Variants in PRKACB observed in about 807,000 individuals in gnomAD.
The protein encoded by PRKACB is protein kinase cAMP-activated catalytic subunit beta, also known as cAMP-dependent protein kinase catalytic subunit beta.
Under a neutral mutation model 51.4 loss-of-function variants are expected in PRKACB, and 16 were observed. The ratio of observed to expected loss-of-function variants is 0.31; its 90% CI spans 0.21 to 0.47. The LOEUF (loss-of-function observed/expected upper bound fraction) is 0.47. Among genes scored for constraint, PRKACB ranks in the 20% least tolerant of loss-of-function variants. The pLI, the probability that PRKACB is intolerant of heterozygous loss-of-function variation, is 1.00. For missense variants in PRKACB, 309 were observed against 464.5 expected (o/e 0.67, Z 3.08); for synonymous variants, 147 against 154.4 (o/e 0.95, Z 0.35).
At chr1:84,176,188 A>T (rs537926051) in intron 1 of PRKACB, among the ~76,000 whole-genome samples, 1 of 151,852 alleles carries the variant, frequency 6.6e-6, no homozygotes, top group African/African-American at 2.4e-5. Flanking sequence ...TAAGTAAACT[A>T]AATAATTGAG....
chr1:84,127,148 T>C (rs562080558), intron 1 of PRKACB, among the ~76,000 whole-genome samples: 3 of 152,326 alleles, frequency 2.0e-5, no homozygotes, highest in East Asian at 3.9e-4. Context: ...CAGCTGTGTA[T>C]GTTACCTGAA....
Position 84,235,368 on chromosome 1 carries a change from G to A in PRKACB, c.*63G>A. 1 of 1,598,116 alleles carries A rather than the reference G, an allele frequency of 6.3e-7. No homozygotes were observed. The highest frequency in any genetic ancestry group is 8.5e-7 in the Non-Finnish European group (1 of 1,171,894). On this transcript the variant is annotated 3_prime_UTR_variant, in exon 10 of 10. Transcript: ENST00000370685. The stretch of plus-strand genomic sequence containing the variant: ...TTGCACTCTGTTGAGAGATAAGGTA[G>A]AGCTGAGACCGTCCTTGTTGAAGCA...
chr1:84,125,873 C>T (rs1191119249), intron 1 of PRKACB, among the ~76,000 whole-genome samples: 2 of 152,046 alleles, frequency 1.3e-5, no homozygotes, highest in Non-Finnish European at 2.9e-5. Context: ...ATTACAACAC[C>T]CCTCCAGCCC....
chr1:84,191,076 T>C (rs1190111519), intron 5 of PRKACB, among the ~76,000 whole-genome samples: 1 of 152,122 alleles, frequency 6.6e-6, no homozygotes, highest in African/African-American at 2.4e-5. Context: ...ACCAGCTGAT[T>C]GCTTTGCAGA....
chr1:84,199,132 T>TATAC (rs1553181672), intron 7 of PRKACB, among the ~76,000 whole-genome samples: 11 of 147,316 alleles, frequency 7.5e-5, no homozygotes, highest in East Asian at 4.0e-4. Flanking sequence ...TATATATATA[T>TATAC]ACACACACAT....
intron 4 of PRKACB, 114 bp downstream of exon 4, chr1:84,184,249 C>T (rs192590135): frequency 2.7e-5 from 23 of 850,804 alleles, no homozygotes; most frequent in East Asian, 5.8e-5. Flanking sequence ...ATAAACAAAA[C>T]GAATACCTCT....
At chr1:84,192,315 T>A (rs918760204) in intron 5 of PRKACB, among the ~76,000 whole-genome samples, 22 of 152,104 alleles carry the variant, frequency 1.4e-4, no homozygotes, top group African/African-American at 4.8e-4. Context: ...GAGACCCAAA[T>A]GATAGGAGTT....
intron 5 of PRKACB, among the ~76,000 whole-genome samples, chr1:84,190,962 T>C (rs573239378): frequency 2.2e-4 from 34 of 152,216 alleles, no homozygotes; most frequent in African/African-American, 7.7e-4. Flanking sequence ...TAGCAGACAG[T>C]TGGGACTTTT....
chr1:84,126,118 G>C (rs1651578004), intron 1 of PRKACB, among the ~76,000 whole-genome samples: 1 of 152,052 alleles, frequency 6.6e-6, no homozygotes, highest in South Asian at 2.1e-4. Context: ...GACCTCCGGA[G>C]TCCTAGAGGG....
At position 84,191,922 on chromosome 1, in the gene PRKACB, C is replaced by T. The variant is rs146330111; in HGVS notation, c.561-4694C>T. 3.3e-3 allele frequency among the ~76,000 whole-genome samples: 498 copies of T among 151,898 alleles called. 3 individuals carry two copies. Among genetic ancestry groups the T allele is most frequent in the African/African-American group, 0.012 (477 of 41,458 alleles). ...GAACTAAAATATTTTATATAAGCAC[C>T]CATTTATCCAAATAGAATTCTTTAA... On this transcript the variant is annotated intron_variant, in intron 5 of 9. Coordinates refer to ENST00000370685, the MANE Select transcript of PRKACB (RefSeq NM_182948.4).
At chr1:84,148,040 A>G (rs1261314236) in intron 1 of PRKACB, among the ~76,000 whole-genome samples, 2 of 152,190 alleles carry the variant, frequency 1.3e-5, no homozygotes, top group African/African-American at 4.8e-5. Flanking sequence ...GTGTATAGCT[A>G]CTATACATCT....
At chr1:84,176,606 A>C (rs969567481) in intron 1 of PRKACB, among the ~76,000 whole-genome samples, 1 of 51,966 alleles carries the variant, frequency 1.9e-5, no homozygotes, top group African/African-American at 4.0e-5. Context: ...TTTTATATGA[A>C]AAAAAATGTT....
In PRKACB at chr1:84,235,919, C is replaced by A. The variant is rs912140269; in HGVS notation, c.*614C>A. 1.3e-5 allele frequency: 2 copies of A among 152,514 alleles called. No homozygotes were observed. Among genetic ancestry groups the A allele is most frequent in the South Asian group, 2.1e-4 (1 of 4,828 alleles). 9.4% of individuals were successfully genotyped at this position (152,514 alleles called of 1,614,324 possible). ...GTAGACTAATACAGTACAGCTAGACCCAGAAATTTGGAAGGCTGTAGATCA... is the reference window on the plus strand; with the variant it reads ...GTAGACTAATACAGTACAGCTAGACACAGAAATTTGGAAGGCTGTAGATCA... On this transcript the variant is annotated 3_prime_UTR_variant, in exon 10 of 10. Transcript: ENST00000370685.
intron 9 of PRKACB, among the ~76,000 whole-genome samples, chr1:84,224,606 A>G (rs1023912491): frequency 1.3e-5 from 2 of 151,996 alleles, no homozygotes; most frequent in African/African-American, 4.8e-5. Flanking sequence ...GGCATGCTTG[A>G]GCATTGGGGT....
intron 1 of PRKACB, chr1:84,086,247 G>A (rs188917516): frequency 9.0e-6 from 14 of 1,551,162 alleles, no homozygotes; most frequent in Non-Finnish European, 1.2e-5. Flanking sequence ...GCAAGGACAA[G>A]TCCTGGTTCC....
At chr1:84,142,821 T>A (rs1653555204), upstream of PRKACB, among the ~76,000 whole-genome samples, 1 of 152,212 alleles carries the variant, frequency 6.6e-6, no homozygotes, top group African/African-American at 2.4e-5. Flanking sequence ...CTAATCAGTG[T>A]TTTCTTATTG....
At chr1:84,174,584 C>T (rs1004518630) in intron 1 of PRKACB, among the ~76,000 whole-genome samples, 1 of 151,798 alleles carries the variant, frequency 6.6e-6, no homozygotes, top group Non-Finnish European at 1.5e-5. Context: ...TAAACCAGCA[C>T]TGAGGAAGTG....
intron 9 of PRKACB, among the ~76,000 whole-genome samples, chr1:84,226,797 A>T (rs987868578): frequency 9.9e-5 from 15 of 152,162 alleles, no homozygotes; most frequent in African/African-American, 3.6e-4. Flanking sequence ...CTTTGAATGG[A>T]AGTGCCCAAG....
At chr1:84,232,816 G>A (rs1675952694) in intron 9 of PRKACB, among the ~76,000 whole-genome samples, 1 of 151,962 alleles carries the variant, frequency 6.6e-6, no homozygotes, top group Non-Finnish European at 1.5e-5. Flanking sequence ...CTCTGCATGT[G>A]AGATGGGTTT....
Sources: allele counts gnomAD v4.1 joint callset (sites outside exome capture counted in the v4.1 genomes callset), GRCh38; gene constraint gnomAD v4.1.1; transcripts MANE v1.5; gene names NCBI Gene and HGNC (gene_info 2026-07-23, HGNC 2026-07-21).